The following CNNM1 variants were observed in gnomAD, a reference collection of about 807,000 sequenced individuals.
The protein encoded by CNNM1 is cyclin and CBS domain divalent metal cation transport mediator 1.
In CNNM1, 44 loss-of-function variants were observed where a neutral mutation model predicts 78.8. That is an observed-to-expected ratio of 0.56 (90% CI 0.44 to 0.72). The LOEUF (loss-of-function observed/expected upper bound fraction) is 0.72, where lower values mean the gene tolerates loss of function less well. Among genes scored for constraint, CNNM1 ranks in the 30% least tolerant of loss-of-function variants. The pLI is 0.00. For missense variants in CNNM1, 1,101 were observed against 1,292.2 expected (o/e 0.85, Z 2.27); for synonymous variants, 584 against 581.5 (o/e 1.00, Z -0.06).
rs748089760 is a variant in CNNM1, at chr10:99,393,879, G to T, written c.*2363G>T. Reference sequence around the variant, plus strand: ...TTGACTTCACCACACCCCTTGCCTGGCCTGGCCTGAGGCTCAGCAGTGCAT... The same window carrying T: ...TTGACTTCACCACACCCCTTGCCTGTCCTGGCCTGAGGCTCAGCAGTGCAT... On this transcript the variant is annotated 3_prime_UTR_variant, in exon 11 of 11. Transcript: ENST00000356713. 2 of 152,270 alleles carry T rather than the reference G, an allele frequency of 1.3e-5. No individual in the cohort carries two copies. The highest frequency in any genetic ancestry group is 2.4e-5 in the African/African-American group (1 of 41,434). 9.4% of individuals were successfully genotyped at this position (152,270 alleles called of 1,614,324 possible). A position where few individuals can be genotyped will look rare whatever the true frequency, so the allele number is the denominator to read the frequency against.
chr10:99,349,369 C>T (rs188977976), intron 1 of CNNM1, among the ~76,000 whole-genome samples: 125 of 151,854 alleles, frequency 8.2e-4, no homozygotes, highest in Non-Finnish European at 1.4e-3. Context: ...AATCACGAGT[C>T]GGAGTCTTTA....
At position 99,364,492 on chromosome 10, in the gene CNNM1, GC is replaced by G. The variant is rs1325676544; in HGVS notation, c.2106del (p.Ile703SerfsTer2). 1 of 1,611,904 alleles carries G rather than the reference GC, an allele frequency of 6.2e-7. No individual in the cohort carries two copies. Among genetic ancestry groups the G allele is most frequent in the East Asian group, 2.2e-5 (1 of 44,814 alleles). ...NGAFTYYGVPAIMTTACSDND... is the reference protein window; with the variant it reads ...NGAFTYYGVPXIMTTACSDND... ...AGCCTTTACTTACTATGGCGTCCCAGCCATCATGACCACTGCTTGCTCAGGT... is the reference window on the plus strand; with the variant it reads ...AGCCTTTACTTACTATGGCGTCCCAGCATCATGACCACTGCTTGCTCAGGT... On this transcript the variant is annotated frameshift_variant, in exon 5 of 11. Coordinates refer to ENST00000356713, the MANE Select transcript of CNNM1 (RefSeq NM_020348.3). LOFTEE classifies it high-confidence loss of function.
intron 1 of CNNM1, among the ~76,000 whole-genome samples, chr10:99,345,598 G>A (rs1215681228): frequency 1.3e-5 from 2 of 152,154 alleles, no homozygotes; most frequent in East Asian, 1.9e-4. Context: ...ATCACTCTGG[G>A]TCACCATGGT....
chr10:99,381,386 C>T (rs1223006348), intron 7 of CNNM1, among the ~76,000 whole-genome samples: 1 of 132,544 alleles, frequency 7.5e-6, no homozygotes, highest in East Asian at 2.2e-4. Context: ...TCCACCTGAG[C>T]GGCAAGAGTG....
chr10:99,362,489 G>A, intron 4 of CNNM1, 93 bp downstream of exon 4: 1 of 1,352,110 alleles, frequency 7.4e-7, no homozygotes, highest in East Asian at 2.5e-5. Context: ...CAAGTTCCAA[G>A]ACTTGGCTGG....
At chr10:99,352,099 A>G (rs1044082681) in intron 1 of CNNM1, among the ~76,000 whole-genome samples, 1 of 152,066 alleles carries the variant, frequency 6.6e-6, no homozygotes, top group African/African-American at 2.4e-5. Flanking sequence ...CATCACCCCA[A>G]AAGAAACTCT....
intron 1 of CNNM1, among the ~76,000 whole-genome samples, chr10:99,340,958 T>C (rs1049245773): frequency 6.7e-6 from 1 of 149,794 alleles, no homozygotes; most frequent in African/African-American, 2.5e-5. Flanking sequence ...GCACTGGAGA[T>C]GCAGTGTGGA....
rs776150396 is a variant in CNNM1 at position 99,360,863 on chromosome 10, G to A, written c.1746G>A (p.Pro582=). ...ACAATCGGAAAAAGCAGAGGGTCCC[G>A]CAACGGGAGCGGAAGCGGCATGACT... ...YTDNRKKQRV[P]QRERKRHDFS... The change falls in exon 3 of 11, where the codon CCG becomes CCA. Residue 582 remains proline, a synonymous_variant. Coordinates refer to ENST00000356713, the MANE Select transcript of CNNM1 (RefSeq NM_020348.3). 1.1e-5 allele frequency: 18 copies of A among 1,610,870 alleles called. No individual in the cohort carries two copies. Among genetic ancestry groups the A allele is most frequent in the South Asian group, 3.3e-5 (3 of 90,860 alleles).
At position 99,393,405 on chromosome 10, in the gene CNNM1, C is replaced by A. The variant is rs1169920943; in HGVS notation, c.*1889C>A. 1 of 152,484 alleles carries A rather than the reference C, an allele frequency of 6.6e-6. No individual in the cohort carries two copies. Among genetic ancestry groups the A allele is most frequent in the South Asian group, 2.1e-4 (1 of 4,826 alleles). The allele number at this position is 152,484 out of a possible 1,614,324, so 9.4% of individuals were successfully genotyped here. A position where few individuals can be genotyped will look rare whatever the true frequency, so the allele number is the denominator to read the frequency against. ...TTGGACTTCAGAGGGTCTATGAAAC[C>A]CCTAAAACTGTCAGTATTTAATGTA... On this transcript the variant is annotated 3_prime_UTR_variant, in exon 11 of 11. Coordinates refer to ENST00000356713, the MANE Select transcript of CNNM1 (RefSeq NM_020348.3).
At chr10:99,359,288 T>C (rs1432441631) in intron 2 of CNNM1, among the ~76,000 whole-genome samples, 1 of 152,118 alleles carries the variant, frequency 6.6e-6, no homozygotes, top group Non-Finnish European at 1.5e-5. Flanking sequence ...ATCAGAAAGT[T>C]GCTCACTAGT....
chr10:99,358,147 A>T (rs2031290171), intron 2 of CNNM1, among the ~76,000 whole-genome samples: 1 of 151,916 alleles, frequency 6.6e-6, no homozygotes, highest in Non-Finnish European at 1.5e-5. Context: ...CTTCTTACAA[A>T]CTTCCCTGTC....
chr10:99,352,165 T>A (rs560707896), intron 1 of CNNM1, among the ~76,000 whole-genome samples: 6 of 152,280 alleles, frequency 3.9e-5, no homozygotes, highest in Non-Finnish European at 5.9e-5. Context: ...GCAACCATGA[T>A]CTACTTCTTC....
intron 1 of CNNM1, among the ~76,000 whole-genome samples, chr10:99,334,768 G>T (rs1302062338): frequency 1.3e-5 from 2 of 152,114 alleles, no homozygotes; most frequent in African/African-American, 2.4e-5. Context: ...CCCTTCGAAG[G>T]TAGAAGAGGA....
chr10:99,356,558 C>CAGAAAGAA (rs1355245134), intron 1 of CNNM1, among the ~76,000 whole-genome samples: 895 of 45,664 alleles, frequency 0.02, 6 homozygotes, highest in Middle Eastern at 0.067. Context: ...GACAGACAGA[C>CAGAAAGAA]AGACAGAAAG....
At chr10:99,391,372 C>G (rs966123977) in intron 10 of CNNM1, 65 bp from the exon 11 acceptor site, 1 of 1,276,704 alleles carries the variant, frequency 7.8e-7, no homozygotes, top group African/African-American at 1.5e-5. Flanking sequence ...AGAACTCAGA[C>G]TGCCAAGCAA....
chr10:99,390,157 C>T (rs866069445), intron 9 of CNNM1, 149 bp from the exon 10 acceptor site: 4 of 584,336 alleles, frequency 6.8e-6, no homozygotes, highest in South Asian at 2.2e-5. Context: ...CTGTACTTCC[C>T]TGGGCGTCCC....
At chr10:99,372,899 G>A (rs551023267) in intron 6 of CNNM1, among the ~76,000 whole-genome samples, 13 of 151,996 alleles carry the variant, frequency 8.6e-5, no homozygotes, top group Admixed American at 2.6e-4. Context: ...CAATTGTATC[G>A]TTTGGTGTTG....
intron 7 of CNNM1, among the ~76,000 whole-genome samples, chr10:99,381,791 A>T (rs1353787032): frequency 6.6e-6 from 1 of 151,364 alleles, no homozygotes; most frequent in Non-Finnish European, 1.5e-5. Context: ...TAAAATGGGT[A>T]GTTCTCCAAA....
At chr10:99,352,838 A>G (rs2030996243) in intron 1 of CNNM1, among the ~76,000 whole-genome samples, 1 of 151,190 alleles carries the variant, frequency 6.6e-6, no homozygotes, top group African/African-American at 2.4e-5. Flanking sequence ...CTTTGCACAG[A>G]TGTTTCTAAT....
Sources: gnomAD v4.1 joint callset for allele counts (sites outside exome capture counted in the v4.1 genomes callset) on GRCh38, gnomAD v4.1.1 for gene constraint, MANE v1.5 for transcripts, NCBI Gene and HGNC (gene_info 2026-07-23, HGNC 2026-07-21) for gene names.